The following DSCAM variants were observed in gnomAD, a reference collection of about 807,000 sequenced individuals.
DSCAM encodes the protein cell adhesion molecule DSCAM.
A neutral mutation model predicts 217.7 loss-of-function variants in DSCAM; 47 were observed. The observed-to-expected ratio is 0.22, with a 90% CI of 0.17 to 0.28. DSCAM has a LOEUF of 0.28. Among genes scored for constraint, DSCAM ranks in the 10% least tolerant of loss-of-function variants. The probability of loss-of-function intolerance (pLI) is 1.00; values close to 1 mark genes in which losing one functional copy is unlikely to be tolerated. For missense variants in DSCAM, 2,080 were observed against 2,618.3 expected (o/e 0.79, Z 4.49); for synonymous variants, 1,056 against 1,015.3 (o/e 1.04, Z -0.76).
Position 40,063,335 on chromosome 21 carries a change from C to T in DSCAM, c.4889-436G>A, listed in dbSNP as rs541323678. 6.6e-5 allele frequency among the ~76,000 whole-genome samples: 10 copies of T among 151,972 alleles called. No homozygotes were observed. In the South Asian group the frequency reaches 1.7e-3, roughly 25 times the overall value. On this transcript the variant is annotated intron_variant, in intron 27 of 32. Coordinates refer to ENST00000400454, the MANE Select transcript of DSCAM (RefSeq NM_001389.5). ...GAGTTCCTTGGGTTGACCAAAGAAT[C>T]GTATAAATGAAATATAAATGTTCCT... is the stretch of plus-strand genomic sequence containing the variant.
chr21:40,218,187 G>A (rs2091260570), intron 11 of DSCAM, among the ~76,000 whole-genome samples: 1 of 152,208 alleles, frequency 6.6e-6, no homozygotes, highest in African/African-American at 2.4e-5. Context: ...TAAGAAAGGG[G>A]TCCAGCTTCA....
At chr21:40,029,003 A>T (rs1451846924) in intron 32 of DSCAM, among the ~76,000 whole-genome samples, 1 of 152,024 alleles carries the variant, frequency 6.6e-6, no homozygotes, top group Non-Finnish European at 1.5e-5. Flanking sequence ...CTGTACAATT[A>T]CAAGTCCTAA....
intron 8 of DSCAM, among the ~76,000 whole-genome samples, chr21:40,315,435 T>C (rs1446723481): frequency 2.0e-5 from 3 of 150,072 alleles, no homozygotes; most frequent in East Asian, 1.9e-4. Flanking sequence ...AGAGTGTAGG[T>C]TGTAAATAAT....
chr21:40,536,021 T>C (rs1235568271), intron 3 of DSCAM, among the ~76,000 whole-genome samples: 2 of 152,226 alleles, frequency 1.3e-5, no homozygotes, highest in African/African-American at 2.4e-5. Flanking sequence ...GGACACCCAC[T>C]GCAGTGCAGT....
chr21:40,221,029 G>C (rs1301874505), intron 11 of DSCAM, among the ~76,000 whole-genome samples: 2 of 152,162 alleles, frequency 1.3e-5, no homozygotes, highest in Non-Finnish European at 2.9e-5. Flanking sequence ...AGGCTCAGAG[G>C]TGCTCAGAAA....
chr21:40,087,658 A>G (rs1006279012), intron 21 of DSCAM, among the ~76,000 whole-genome samples: 4 of 152,238 alleles, frequency 2.6e-5, no homozygotes, highest in African/African-American at 9.6e-5. Context: ...ATATACTTTA[A>G]TATCAGAGAA....
At chr21:40,549,049 CA>C (rs1179852779) in intron 3 of DSCAM, among the ~76,000 whole-genome samples, 15 of 152,194 alleles carry the variant, frequency 9.9e-5, no homozygotes, top group African/African-American at 3.6e-4. Context: ...ACCAAAAATA[CA>C]AAAAATTAAC....
In DSCAM at chr21:40,013,204, T is replaced by A. The variant is rs765047375; in HGVS notation, c.5869A>T (p.Thr1957Ser). 1.2e-6 allele frequency: 2 copies of A among 1,613,554 alleles called. No individual in the cohort carries two copies. The highest frequency in any genetic ancestry group is 3.3e-5 in the Admixed American group (2 of 59,922). Residue 1957 changes from threonine to serine, a missense_variant, in exon 33 of 33, where the codon ACG becomes TCG. Transcript: ENST00000400454. ...PMEAASSASS[T>S]REGQSWQPGA... is the part of the protein sequence containing the mutation. ...GGCTGCCACGACTGTCCTTCTCTCG[T>A]GGAGGAGGCGGAGGAGGCGGCTTCC... is the stretch of plus-strand genomic sequence containing the variant.
chr21:40,652,319 G>T (rs1470664836), intron 3 of DSCAM, among the ~76,000 whole-genome samples: 1 of 141,906 alleles, frequency 7.0e-6, no homozygotes, highest in Non-Finnish European at 1.5e-5. Context: ...TAAAATTAAG[G>T]TTGGAAATTT....
At position 40,439,630 on chromosome 21, in the gene DSCAM, T is replaced by C. The variant is rs148017227; in HGVS notation, c.509-70385A>G. On this transcript the variant is annotated intron_variant, in intron 3 of 32. Coordinates refer to ENST00000400454, the MANE Select transcript of DSCAM (RefSeq NM_001389.5). The stretch of plus-strand genomic sequence containing the variant: ...CTGTATTAGTCTGCTTTTACAATGC[T>C]GATAAAGACATACTCAAGACTGGGA... Among the ~76,000 whole-genome samples, 344 of 152,262 alleles carry C rather than the reference T, an allele frequency of 2.3e-3. 2 individuals carry two copies. The highest frequency in any genetic ancestry group is 7.9e-3 in the African/African-American group (326 of 41,520).
chr21:40,339,725 G>T (rs2074468441), intron 6 of DSCAM, among the ~76,000 whole-genome samples: 1 of 152,192 alleles, frequency 6.6e-6, no homozygotes, highest in South Asian at 2.1e-4. Flanking sequence ...ATTTAAAACT[G>T]GTGTTTCCTC....
At chr21:40,568,134 G>T (rs1383692368) in intron 3 of DSCAM, among the ~76,000 whole-genome samples, 2 of 152,106 alleles carry the variant, frequency 1.3e-5, no homozygotes, top group African/African-American at 4.8e-5. Flanking sequence ...AATGAATGGG[G>T]AATGCATGTG....
At chr21:40,039,117 T>C (rs967499312) in intron 32 of DSCAM, among the ~76,000 whole-genome samples, 6 of 151,932 alleles carry the variant, frequency 3.9e-5, no homozygotes, top group African/African-American at 4.8e-5. Context: ...TGTATACATA[T>C]GTAACTAACC....
chr21:40,414,757 A>G (rs568865818), intron 3 of DSCAM, among the ~76,000 whole-genome samples: 20 of 152,346 alleles, frequency 1.3e-4, no homozygotes, highest in Admixed American at 8.5e-4. Flanking sequence ...CGAGTGAGTC[A>G]TTACCTGCCG....
intron 3 of DSCAM, among the ~76,000 whole-genome samples, chr21:40,430,308 T>C (rs1210170619): frequency 6.6e-6 from 1 of 152,218 alleles, no homozygotes; most frequent in Non-Finnish European, 1.5e-5. Context: ...TGGGTGTGTC[T>C]GTGAGGGTGT....
chr21:40,823,448 A>C (rs910250443), intron 1 of DSCAM, among the ~76,000 whole-genome samples: 1 of 152,204 alleles, frequency 6.6e-6, no homozygotes, highest in African/African-American at 2.4e-5. Context: ...CACAACGTGG[A>C]ACACATTTTT....
intron 32 of DSCAM, among the ~76,000 whole-genome samples, chr21:40,023,047 A>C (rs1242944279): frequency 8.9e-6 from 1 of 112,106 alleles, no homozygotes; most frequent in East Asian, 3.4e-4. Context: ...TACAGTCCCC[A>C]GAGTGTGATG....
At chr21:40,776,266 T>C (rs2123408636) in intron 1 of DSCAM, among the ~76,000 whole-genome samples, 1 of 152,288 alleles carries the variant, frequency 6.6e-6, no homozygotes, top group South Asian at 2.1e-4. Flanking sequence ...TCTTTCAGTG[T>C]TGTTATTTTC....
At chr21:40,549,344 T>C (rs2076611205) in intron 3 of DSCAM, among the ~76,000 whole-genome samples, 1 of 152,152 alleles carries the variant, frequency 6.6e-6, no homozygotes, top group Non-Finnish European at 1.5e-5. Context: ...GGTATTACAT[T>C]TTCATTCTGG....
Sources: gnomAD v4.1 joint callset for allele counts (sites outside exome capture counted in the v4.1 genomes callset) on GRCh38, gnomAD v4.1.1 for gene constraint, MANE v1.5 for transcripts, NCBI Gene and HGNC (gene_info 2026-07-23, HGNC 2026-07-21) for gene names.